The following OPTC variants were observed in gnomAD, a reference collection of about 807,000 sequenced individuals.
The protein encoded by OPTC is oculoglycan.
OPTC carries 22 observed loss-of-function variants against 25.4 expected under a neutral mutation model. The observed-to-expected ratio is 0.87, with a 90% CI of 0.62 to 1.24. The LOEUF is 1.24. Ranked by LOEUF, OPTC falls within the 50% of genes most tolerant of loss-of-function variation. OPTC has a pLI of 0.00. For synonymous variants in OPTC, 169 were observed against 179.3 expected (o/e 0.94, Z 0.46); for missense variants, 417 against 425.2 (o/e 0.98, Z 0.17).
intron 5 of OPTC, 66 bp downstream of exon 5, chr1:203,499,917 C>T (rs904283559): frequency 3.2e-5 from 42 of 1,325,808 alleles, no homozygotes; most frequent in African/African-American, 1.2e-4. Context: ...CACCCACCTC[C>T]ACCACCTACC....
chr1:203,497,416 A>G lies in OPTC; in HGVS notation c.370+301A>G, dbSNP rs1475805708. Among the ~76,000 whole-genome samples, 26 of 152,226 alleles carry G rather than the reference A, an allele frequency of 1.7e-4. 1 individual carries two copies. On this transcript the variant is annotated intron_variant, in intron 3 of 7. Transcript: ENST00000367222. ...CCACCCTGCCTTAATTAATAGCATG[A>G]CGGGGGAAGCAGGTTGAGTGGTAAT... is the stretch of plus-strand genomic sequence containing the variant.
chr1:203,495,748 C>T (rs187577431), intron 1 of OPTC, among the ~76,000 whole-genome samples: 1 of 152,122 alleles, frequency 6.6e-6, no homozygotes, highest in East Asian at 1.9e-4. Flanking sequence ...TTTGGGTGAG[C>T]GTGTAAAAAC....
At position 203,503,007 on chromosome 1, in the gene OPTC, C is replaced by A. The variant is rs778465916; in HGVS notation, c.826C>A (p.Gln276Lys). The A allele has an allele frequency of 1.2e-6, 2 of 1,611,760 alleles. No homozygotes were observed. The highest frequency in any genetic ancestry group is 2.2e-5 in the South Asian group (2 of 91,000). The change falls in exon 6 of 8, where the codon CAG (glutamine) becomes AAG (lysine). Residue 276 changes from glutamine to lysine, a missense_variant and splice_region_variant. Transcript: ENST00000367222. ...LPLSLRSVHLQNNLIETMQRD... is the reference protein window; with the variant it reads ...LPLSLRSVHLKNNLIETMQRD... ...CCTGAGCCTGCGCTCTGTACACCTGCAGGTAAGGAGCACCACCCAGAGCAA... is the reference window on the plus strand; with the variant it reads ...CCTGAGCCTGCGCTCTGTACACCTGAAGGTAAGGAGCACCACCCAGAGCAA...
intron 7 of OPTC, among the ~76,000 whole-genome samples, chr1:203,506,230 C>T (rs1287042182): frequency 2.0e-5 from 3 of 150,560 alleles, no homozygotes; most frequent in Non-Finnish European, 4.4e-5. Flanking sequence ...TGGCTCACCA[C>T]AACCTCTGCC....
At chr1:203,495,691 CTG>C (rs1661265950) in intron 1 of OPTC, among the ~76,000 whole-genome samples, 1 of 152,130 alleles carries the variant, frequency 6.6e-6, no homozygotes, top group African/African-American at 2.4e-5. Flanking sequence ...GTGAATGTGT[CTG>C]TGTTGAGATG....
At chr1:203,498,565 C>T (rs1253284229) in intron 3 of OPTC, 116 bp from the exon 4 acceptor site, 2 of 1,268,402 alleles carry the variant, frequency 1.6e-6, no homozygotes, top group Non-Finnish European at 1.1e-6. Context: ...TGGGCAGCAA[C>T]CCATAGGCTA....
intron 7 of OPTC, among the ~76,000 whole-genome samples, chr1:203,504,133 C>G (rs1228478903): frequency 6.6e-6 from 1 of 152,158 alleles, no homozygotes; most frequent in Admixed American, 6.5e-5. Flanking sequence ...GGAGCCAGCT[C>G]TTACTACTTG....
At chr1:203,505,912 C>A (rs1400597453) in intron 7 of OPTC, among the ~76,000 whole-genome samples, 1 of 151,698 alleles carries the variant, frequency 6.6e-6, no homozygotes, top group South Asian at 2.1e-4. Flanking sequence ...TTTGTTACAG[C>A]GGAATCTCTC....
chr1:203,497,197 G>A, intron 3 of OPTC, 82 bp downstream of exon 3: 2 of 1,530,100 alleles, frequency 1.3e-6, no homozygotes, highest in Non-Finnish European at 1.8e-6. Context: ...GTACCAAAGT[G>A]GAACGTGGTT....
Position 203,497,053 on chromosome 1 carries a change from C to G in OPTC, c.308C>G (p.Ser103Ter). The G allele has an allele frequency of 6.2e-7, 1 of 1,614,112 alleles. No individual in the cohort carries two copies. Among genetic ancestry groups the G allele is most frequent in the South Asian group, 1.1e-5 (1 of 91,084 alleles). The change falls in exon 3 of 8, where the codon TCA becomes TGA. Residue 103 changes from serine (S) to a stop codon, truncating the protein, a stop_gained. Coordinates refer to ENST00000367222, the MANE Select transcript of OPTC (RefSeq NM_014359.4). LOFTEE classifies it high-confidence loss of function. ...ACTACGGCTCCAGGGACACCCTCGT[C>G]AAACCCCACGATGACCAGACCTACT... is the stretch of plus-strand genomic sequence containing the variant. ...KSTTAPGTPS[S>*]NPTMTRPTTA... is the part of the protein sequence containing the mutation.
At chr1:203,500,342 A>G (rs1475649588) in intron 5 of OPTC, among the ~76,000 whole-genome samples, 1 of 74,206 alleles carries the variant, frequency 1.3e-5, no homozygotes, top group Non-Finnish European at 2.5e-5. Flanking sequence ...CTCCACCTCT[A>G]TCACCACCCA....
At chr1:203,498,187 A>G (rs1661309455) in intron 3 of OPTC, among the ~76,000 whole-genome samples, 1 of 152,208 alleles carries the variant, frequency 6.6e-6, no homozygotes, top group African/African-American at 2.4e-5. Context: ...TGATGCCATA[A>G]GAAGGGGAAG....
intron 3 of OPTC, among the ~76,000 whole-genome samples, chr1:203,498,161 A>C (rs1385922582): frequency 1.3e-5 from 2 of 152,206 alleles, no homozygotes; most frequent in African/African-American, 4.8e-5. Flanking sequence ...TGCTTCCCAA[A>C]GAAAAATTGG....
chr1:203,507,483 C>A (rs1412231533), intron 7 of OPTC, among the ~76,000 whole-genome samples: 1 of 152,214 alleles, frequency 6.6e-6, no homozygotes, highest in Admixed American at 6.5e-5. Flanking sequence ...TCCTTTGTGG[C>A]CCAGCAGCAA....
At position 203,496,137 on chromosome 1, in the gene OPTC, G is replaced by C; in HGVS notation, c.132G>C (p.Leu44=). The change falls in exon 2 of 8, where the codon CTG becomes CTC. Residue 44 remains leucine, a synonymous_variant. Transcript: ENST00000367222. The stretch of plus-strand genomic sequence containing the variant: ...GGGAAGGCGATTCCTTTGAAGTTCT[G>C]CCTCTGCGGAATGATGTCCTGAACC... ...MPREGDSFEV[L]PLRNDVLNPD... 6.2e-7 allele frequency: 1 copy of C among 1,614,148 alleles called. No individual in the cohort carries two copies. Among genetic ancestry groups the C allele is most frequent in the Non-Finnish European group, 8.5e-7 (1 of 1,180,022 alleles).
chr1:203,502,969 C>T lies in OPTC; in HGVS notation c.788C>T (p.Pro263Leu), dbSNP rs775267242. 4.3e-5 allele frequency: 70 copies of T among 1,613,842 alleles called. No homozygotes were observed. Among genetic ancestry groups the T allele is most frequent in the East Asian group, 3.3e-4 (15 of 44,890 alleles). ...TCAGACAACCTGCTGGATTCTATCC[C>T]GGGGCCTTTGCCCCTGAGCCTGCGC... ...YLSDNLLDSI[P>L]GPLPLSLRSV... Residue 263 changes from proline to leucine, a missense_variant, in exon 6 of 8, where the codon CCG becomes CTG. Transcript: ENST00000367222.
intron 7 of OPTC, among the ~76,000 whole-genome samples, chr1:203,507,580 C>T (rs79426449): frequency 0.02 from 2,990 of 152,352 alleles, 93 homozygotes; most frequent in African/African-American, 0.068. Flanking sequence ...GAGTGCCTCC[C>T]TCCTCTGGGG....
intron 7 of OPTC, among the ~76,000 whole-genome samples, chr1:203,504,166 C>T (rs1249356199): frequency 6.6e-6 from 1 of 152,006 alleles, no homozygotes; most frequent in Non-Finnish European, 1.5e-5. Context: ...ACTAAATTTT[C>T]CAGAATTTTG....
chr1:203,507,012 A>T (rs1661502861), intron 7 of OPTC, among the ~76,000 whole-genome samples: 3 of 152,192 alleles, frequency 2.0e-5, no homozygotes, highest in Admixed American at 6.5e-5. Context: ...AAGCCCAAGG[A>T]ATAGAAAGAA....
Sources: allele counts gnomAD v4.1 joint callset (sites outside exome capture counted in the v4.1 genomes callset), GRCh38; gene constraint gnomAD v4.1.1; transcripts MANE v1.5; gene names NCBI Gene and HGNC (gene_info 2026-07-23, HGNC 2026-07-21).